Variants in ITFG1 observed in about 807,000 individuals in gnomAD.
ITFG1 encodes integrin alpha FG-GAP repeat containing 1, also known as T-cell immunomodulatory protein.
In ITFG1, 34 loss-of-function variants were observed where a neutral mutation model predicts 81.8. The observed-to-expected ratio is 0.42, with a 90% CI of 0.32 to 0.55. The LOEUF (loss-of-function observed/expected upper bound fraction) is 0.55. ITFG1 is among the 20% of genes least tolerant of loss of function. ITFG1 has a pLI of 0.17. For synonymous variants in ITFG1, 285 were observed against 270.6 expected, an observed-to-expected ratio of 1.05 and a Z score of -0.52; for missense variants, 672 against 755.4, an observed-to-expected ratio of 0.89 and a Z score of 1.29.
intron 6 of ITFG1, among the ~76,000 whole-genome samples, chr16:47,388,253 T>TGA (rs956540272): frequency 2.0e-5 from 3 of 151,480 alleles, no homozygotes; most frequent in African/African-American, 4.8e-5. Context: ...CTAGTAGAAG[T>TGA]GAGAGAGAGA....
intron 6 of ITFG1, 103 bp from the exon 7 acceptor site, chr16:47,376,043 CT>C: frequency 1.6e-6 from 1 of 607,032 alleles, no homozygotes; most frequent in Non-Finnish European, 2.9e-6. Context: ...TGACACAATT[CT>C]ACTTAAACAT....
intron 14 of ITFG1, among the ~76,000 whole-genome samples, chr16:47,198,433 T>G (rs948882233): frequency 9.2e-5 from 14 of 152,214 alleles, no homozygotes; most frequent in Non-Finnish European, 1.9e-4. Flanking sequence ...AAAACTACTG[T>G]GTTGCCAGGT....
Position 47,293,613 on chromosome 16 carries a change from AT to A in ITFG1, c.1070+17626del, listed in dbSNP as rs368353375. On this transcript the variant is annotated intron_variant, in intron 10 of 17. Transcript: ENST00000320640. ...GTATCTCTGAGGGTTAGTAATGTAC[AT>A]TTTTTTATGTGCTTCTTGGCCATCT... Among the ~76,000 whole-genome samples the A allele has an allele frequency of 7.5e-3, 1,138 of 152,022 alleles. 19 individuals carry two copies. The highest frequency in any genetic ancestry group is 0.026 in the African/African-American group (1,080 of 41,508).
chr16:47,274,750 A>G (rs2151547556), intron 10 of ITFG1, among the ~76,000 whole-genome samples: 1 of 152,306 alleles, frequency 6.6e-6, no homozygotes. Flanking sequence ...TAGACGTAAC[A>G]GCTTGTTACG....
chr16:47,445,078 G>C (rs1478259424), intron 5 of ITFG1, among the ~76,000 whole-genome samples: 2 of 146,932 alleles, frequency 1.4e-5, no homozygotes, highest in Non-Finnish European at 3.0e-5. Context: ...GTCTGCTTTT[G>C]TATGCAAGCT....
At chr16:47,268,485 G>A (rs140631902) in intron 10 of ITFG1, among the ~76,000 whole-genome samples, 1 of 152,310 alleles carries the variant, frequency 6.6e-6, no homozygotes, top group Admixed American at 6.5e-5. Flanking sequence ...AGATGAGAAA[G>A]ACATACTTCC....
chr16:47,327,733 C>G (rs1180776174), intron 8 of ITFG1, among the ~76,000 whole-genome samples: 4 of 152,180 alleles, frequency 2.6e-5, no homozygotes, highest in Non-Finnish European at 4.4e-5. Context: ...AAATGCTCAT[C>G]ATCACTGGCC....
intron 10 of ITFG1, among the ~76,000 whole-genome samples, chr16:47,261,607 T>C (rs1966210019): frequency 6.6e-6 from 1 of 152,242 alleles, no homozygotes; most frequent in South Asian, 2.1e-4. Flanking sequence ...CTTTTCTCTA[T>C]GCATATAGAA....
chr16:47,376,109 C>G (rs1431858781), intron 6 of ITFG1, among the ~76,000 whole-genome samples, 169 bp from the exon 7 acceptor site: 4 of 151,476 alleles, frequency 2.6e-5, no homozygotes, highest in African/African-American at 9.7e-5. Context: ...AGCAGATGAC[C>G]CTGCATTAAA....
chr16:47,300,745 T>C (rs1452415637), intron 10 of ITFG1, among the ~76,000 whole-genome samples: 2 of 152,252 alleles, frequency 1.3e-5, no homozygotes, highest in Non-Finnish European at 2.9e-5. Flanking sequence ...AAACACTTGA[T>C]GGAATTCTGA....
intron 5 of ITFG1, among the ~76,000 whole-genome samples, chr16:47,442,779 C>T (rs1459677364): frequency 1.3e-5 from 2 of 152,114 alleles, no homozygotes; most frequent in South Asian, 4.2e-4. Flanking sequence ...TACATGTTAG[C>T]CCTAAAACCA....
chr16:47,360,200 T>C lies in ITFG1; in HGVS notation c.802+5588A>G, dbSNP rs1396226961. ...GAATCCTATGTATGTACCATACAAT[T>C]TGAAGAATATCAAAGTATTATAATG... is the stretch of plus-strand genomic sequence containing the variant. On this transcript the variant is annotated intron_variant, in intron 8 of 17. Coordinates refer to ENST00000320640, the MANE Select transcript of ITFG1 (RefSeq NM_030790.5). Among the ~76,000 whole-genome samples, 3 of 152,258 alleles carry C rather than the reference T, an allele frequency of 2.0e-5. 1 individual carries two copies. The highest frequency in any genetic ancestry group is 7.2e-5 in the African/African-American group (3 of 41,472).
At chr16:47,375,153 C>G (rs1968307533) in intron 7 of ITFG1, among the ~76,000 whole-genome samples, 1 of 152,112 alleles carries the variant, frequency 6.6e-6, no homozygotes, top group Non-Finnish European at 1.5e-5. Flanking sequence ...TCATAAAGAT[C>G]CTGTGAAGCA....
chr16:47,385,982 T>C (rs1968456474), intron 6 of ITFG1, among the ~76,000 whole-genome samples: 1 of 152,054 alleles, frequency 6.6e-6, no homozygotes, highest in South Asian at 2.1e-4. Context: ...ACCTTCATCC[T>C]AAAAAAAGCC....
chr16:47,214,014 A>T (rs1965596475), intron 14 of ITFG1, among the ~76,000 whole-genome samples: 1 of 152,206 alleles, frequency 6.6e-6, no homozygotes, highest in African/African-American at 2.4e-5. Flanking sequence ...ATTGGCATCC[A>T]AAGTGGGGAA....
intron 12 of ITFG1, among the ~76,000 whole-genome samples, chr16:47,240,523 C>T (rs939869851): frequency 3.1e-4 from 47 of 152,040 alleles, no homozygotes; most frequent in African/African-American, 1.0e-3. Flanking sequence ...TACAGATGGC[C>T]ACTGAGCTCA....
intron 6 of ITFG1, among the ~76,000 whole-genome samples, chr16:47,391,896 C>T (rs1439935889): frequency 2.6e-5 from 4 of 152,120 alleles, no homozygotes; most frequent in African/African-American, 4.8e-5. Flanking sequence ...CCTATCCCTT[C>T]GTCCATTTTT....
At chr16:47,379,757 A>G (rs1968372562) in intron 6 of ITFG1, among the ~76,000 whole-genome samples, 1 of 151,568 alleles carries the variant, frequency 6.6e-6, no homozygotes, top group East Asian at 1.9e-4. Flanking sequence ...GGGTTCCTTC[A>G]CTGGGGATAA....
At chr16:47,394,704 T>A (rs896813062) in intron 6 of ITFG1, among the ~76,000 whole-genome samples, 1 of 152,150 alleles carries the variant, frequency 6.6e-6, no homozygotes, top group Non-Finnish European at 1.5e-5. Flanking sequence ...TAATTTCAGT[T>A]CATTTTATCC....
Sources: gnomAD v4.1 joint callset for allele counts (sites outside exome capture counted in the v4.1 genomes callset) on GRCh38, gnomAD v4.1.1 for gene constraint, MANE v1.5 for transcripts, NCBI Gene and HGNC (gene_info 2026-07-23, HGNC 2026-07-21) for gene names.